PIK3IP1: variants seen among roughly 807,000 people sequenced by gnomAD.
PIK3IP1 encodes the protein phosphoinositide-3-kinase interacting protein 1, also known as phosphoinositide-3-kinase-interacting protein 1.
Under a neutral mutation model 30.7 loss-of-function variants are expected in PIK3IP1, and 28 were observed. That is an observed-to-expected ratio of 0.91 (90% confidence interval 0.68 to 1.25). The LOEUF is 1.25. Among genes scored for constraint, PIK3IP1 ranks in the 50% most tolerant of loss-of-function variants. The pLI is 0.00. For missense variants in PIK3IP1, 333 were observed against 346.2 expected (o/e 0.96, Z 0.30); for synonymous variants, 159 against 140.8 (o/e 1.13, Z -0.91).
At position 31,289,839 on chromosome 22, in the gene PIK3IP1, G is replaced by A. The variant is rs138849143; in HGVS notation, c.308-140C>T. ...CACACACAACCCAAAGTCAAATTCTGCCCCAGAGGTAAGATCAGGCCTGAG... is the reference window on the plus strand; with the variant it reads ...CACACACAACCCAAAGTCAAATTCTACCCCAGAGGTAAGATCAGGCCTGAG... On this transcript the variant is annotated intron_variant, in intron 3 of 5. Coordinates refer to ENST00000215912, the MANE Select transcript of PIK3IP1 (RefSeq NM_052880.5). The A allele has an allele frequency of 3.5e-4, 302 of 865,100 alleles. 2 individuals carry two copies. The East Asian group carries it at 7.3e-3, about 21-fold the overall frequency. The allele number at this position is 865,100 out of a possible 1,614,324, so 53.6% of individuals were successfully genotyped here.
In PIK3IP1 at chr22:31,289,614, G is replaced by C; in HGVS notation, c.393C>G (p.Phe131Leu). The change falls in exon 4 of 6, where the codon TTC becomes TTG. Residue 131 changes from phenylalanine to leucine, a missense_variant. Coordinates refer to ENST00000215912, the MANE Select transcript of PIK3IP1 (RefSeq NM_052880.5). ...GAGCGGGCAGGGCGTTGGCAGGAGCGAACACCTGCACCTCATCTGCACCTG... is the reference window on the plus strand; with the variant it reads ...GAGCGGGCAGGGCGTTGGCAGGAGCCAACACCTGCACCTCATCTGCACCTG... Reference protein sequence around the residue: ...EGPGADEVQVFAPANALPARS... With the variant: ...EGPGADEVQVLAPANALPARS... 2 of 1,557,728 alleles carry C rather than the reference G, an allele frequency of 1.3e-6. No homozygotes were observed. The highest frequency in any genetic ancestry group is 2.4e-5 in the South Asian group (2 of 84,590).
intron 5 of PIK3IP1, among the ~76,000 whole-genome samples, chr22:31,285,439 CTA>C (rs2049123785): frequency 6.6e-6 from 1 of 152,196 alleles, no homozygotes; most frequent in African/African-American, 2.4e-5. Context: ...AGAAGTTACA[CTA>C]TTTGTTCAAG....
At position 31,291,186 on chromosome 22, in the gene PIK3IP1, C is replaced by T. The variant is rs200641882; in HGVS notation, c.181G>A (p.Val61Met). The change falls in exon 2 of 6, where the codon GTG (valine) becomes ATG (methionine). Residue 61 changes from valine to methionine, a missense_variant. Coordinates refer to ENST00000215912, the MANE Select transcript of PIK3IP1 (RefSeq NM_052880.5). Reference protein sequence around the residue: ...DAQSGLASAPVSGAGNHSYCR... With the variant: ...DAQSGLASAPMSGAGNHSYCR... ...TCCCCCGGAGGACACTTACCCGACA[C>T]GGGGGCCGAGGCCAGCCCGCTCTGC... 4.4e-5 allele frequency: 68 copies of T among 1,546,644 alleles called. No homozygotes were observed. The African/African-American group carries it at 8.3e-4, about 19-fold the overall frequency.
intron 1 of PIK3IP1, 64 bp from the exon 2 acceptor site, chr22:31,291,360 G>A: frequency 6.7e-7 from 1 of 1,493,296 alleles, no homozygotes. Flanking sequence ...GCCCAGCGTG[G>A]CGGACAGGGG....
At chr22:31,284,365 T>C (rs2049115878) in intron 5 of PIK3IP1, among the ~76,000 whole-genome samples, 1 of 152,202 alleles carries the variant, frequency 6.6e-6, no homozygotes, top group African/African-American at 2.4e-5. Context: ...TTTGTATTAA[T>C]GAGGCAGAGC....
chr22:31,283,926 T>G (rs2049111166), intron 5 of PIK3IP1, among the ~76,000 whole-genome samples: 1 of 152,062 alleles, frequency 6.6e-6, no homozygotes. Context: ...TTTTTGGAGA[T>G]GGAGTTTCGT....
chr22:31,284,417 G>C (rs1236680967), intron 5 of PIK3IP1, among the ~76,000 whole-genome samples: 1 of 152,214 alleles, frequency 6.6e-6, no homozygotes, highest in African/African-American at 2.4e-5. Flanking sequence ...GCAGATGCTG[G>C]CACTAGTCTG....
Position 31,283,221 on chromosome 22 carries a change from G to C in PIK3IP1, c.655C>G (p.Pro219Ala). The C allele has an allele frequency of 6.2e-7, 1 of 1,614,220 alleles. No homozygotes were observed. The highest frequency in any genetic ancestry group is 8.5e-7 in the Non-Finnish European group (1 of 1,180,034). The change falls in exon 6 of 6, where the codon CCC becomes GCC. Residue 219 changes from proline (P) to alanine (A), a missense_variant. By Grantham distance (27) the Pro-to-Ala change is conservative. Transcript: ENST00000215912. ...CEREMQRITLPLSAFTNPTCE... is the reference protein window; with the variant it reads ...CEREMQRITLALSAFTNPTCE... The stretch of plus-strand genomic sequence containing the variant: ...GTGGGGTTGGTGAAGGCAGACAAGG[G>C]CAGAGTGATTCGCTGCATCTCCCTC...
chr22:31,283,266 G>A lies in PIK3IP1; in HGVS notation c.610C>T (p.His204Tyr). Residue 204 changes from histidine (H) to tyrosine (Y), a missense_variant, in exon 6 of 6, where the codon CAT (histidine) becomes TAT (tyrosine). Transcript: ENST00000215912. ...YKRGKDLKEQ[H>Y]DQKVCEREMQ... ...TCCCTCTCACATACTTTCTGATCAT[G>A]CTGTTCTTTCAAATCCTTCCCCCTG... 1 of 1,613,856 alleles carries A rather than the reference G, an allele frequency of 6.2e-7. No homozygotes were observed. Among genetic ancestry groups the A allele is most frequent in the East Asian group, 2.2e-5 (1 of 44,888 alleles).
At chr22:31,291,603 G>C (rs963681303) in intron 1 of PIK3IP1, among the ~76,000 whole-genome samples, 1 of 152,148 alleles carries the variant, frequency 6.6e-6, no homozygotes, top group African/African-American at 2.4e-5. Context: ...AGTGCAAAGC[G>C]TTGTTACTCT....
rs1406980396 is a variant in PIK3IP1 at position 31,281,764 on chromosome 22, G to A, written c.*1320C>T. 6.6e-6 allele frequency: 1 copy of A among 152,368 alleles called. No homozygotes were observed. Among genetic ancestry groups the A allele is most frequent in the Non-Finnish European group, 1.5e-5 (1 of 68,052 alleles). The allele number at this position is 152,368 out of a possible 1,614,324, so 9.4% of individuals were successfully genotyped here. Reference sequence around the variant, plus strand: ...TCACTAACACCAAGAGACCACCTGAGGTCTAGGTCCCCAAAGCAGATGGCT... The same window carrying A: ...TCACTAACACCAAGAGACCACCTGAAGTCTAGGTCCCCAAAGCAGATGGCT... On this transcript the variant is annotated 3_prime_UTR_variant, in exon 6 of 6. Coordinates refer to ENST00000215912, the MANE Select transcript of PIK3IP1 (RefSeq NM_052880.5).
chr22:31,285,943 C>T (rs530390664), intron 5 of PIK3IP1, among the ~76,000 whole-genome samples: 1 of 152,092 alleles, frequency 6.6e-6, no homozygotes, highest in African/African-American at 2.4e-5. Flanking sequence ...GAGGCCGAGG[C>T]GGGTGGATTG....
In PIK3IP1 at chr22:31,289,555, C is replaced by G. The variant is rs753886272; in HGVS notation, c.452G>C (p.Gly151Ala). 6.4e-7 allele frequency: 1 copy of G among 1,557,154 alleles called. No homozygotes were observed. The highest frequency in any genetic ancestry group is 1.2e-5 in the South Asian group (1 of 84,330). The part of the protein sequence containing the change: ...SEAAAVQPVI[G>A]ISQRVRMNSK... ...GTTCATCCGCACCCGCTGGCTGATC[C>G]CAATCACTGGCTGCACAGCTGCCGC... Residue 151 changes from glycine (G) to alanine (A), a missense_variant, in exon 4 of 6, where the codon GGG (glycine) becomes GCG (alanine). Around this residue, in one of 3 missense-constraint regions of PIK3IP1, gnomAD observed 217 missense variants for 227.7 expected, o/e 0.95. Transcript: ENST00000215912.
At chr22:31,284,237 TTTTGAG>T (rs1319722994) in intron 5 of PIK3IP1, among the ~76,000 whole-genome samples, 1 of 152,198 alleles carries the variant, frequency 6.6e-6, no homozygotes, top group Non-Finnish European at 1.5e-5. Flanking sequence ...AAACTGAGGC[TTTTGAG>T]TTTAACTTCC....
intron 5 of PIK3IP1, among the ~76,000 whole-genome samples, chr22:31,287,330 T>TA (rs1491251601): frequency 7.1e-5 from 4 of 56,626 alleles, no homozygotes; most frequent in Non-Finnish European, 1.1e-4. Flanking sequence ...ATTACCTACA[T>TA]TTTTTTTTTT....
chr22:31,289,469 A>T (rs1181029166), intron 4 of PIK3IP1, 30 bp downstream of exon 4: 6 of 1,549,786 alleles, frequency 3.9e-6, no homozygotes, highest in South Asian at 1.2e-5. Context: ...GATGAATCCC[A>T]ACGAGGGCAG....
intron 5 of PIK3IP1, among the ~76,000 whole-genome samples, chr22:31,287,119 G>A (rs535245552): frequency 6.7e-6 from 1 of 148,220 alleles, no homozygotes; most frequent in South Asian, 2.1e-4. Flanking sequence ...CCAGGCTCAG[G>A]TGATCCTCCC....
chr22:31,291,923 C>T (rs1251629238), intron 1 of PIK3IP1, among the ~76,000 whole-genome samples: 2 of 152,176 alleles, frequency 1.3e-5, no homozygotes, highest in African/African-American at 2.4e-5. Flanking sequence ...ACTCCAAGCT[C>T]CCACTCCCCT....
rs1433240604 is a variant in PIK3IP1 at position 31,282,122 on chromosome 22, G to C, written c.*962C>G. On this transcript the variant is annotated 3_prime_UTR_variant, in exon 6 of 6. Transcript: ENST00000215912. ...CCTAGCCCCAGTGCCCTACAGGAAG[G>C]TGCTGACCTGGACGCCCGCAGGACC... The C allele has an allele frequency of 6.6e-6, 1 of 152,308 alleles. No homozygotes were observed. The highest frequency in any genetic ancestry group is 1.5e-5 in the Non-Finnish European group (1 of 68,114). 9.4% of individuals were successfully genotyped at this position (152,308 alleles called of 1,614,324 possible).
Sources: gnomAD v4.1 joint callset for allele counts (sites outside exome capture counted in the v4.1 genomes callset) on GRCh38, gnomAD v4.1.1 for gene constraint, gnomAD v4.1.1 regional missense constraint, MANE v1.5 for transcripts, NCBI Gene and HGNC (gene_info 2026-07-23, HGNC 2026-07-21) for gene names.